Variants in CEP128 observed in about 807,000 individuals in gnomAD.
The protein encoded by CEP128 is centrosomal protein 128, also known as centrosomal protein 128kDa.
CEP128 carries 132 observed loss-of-function variants against 156.7 expected under a neutral mutation model. That is an observed-to-expected ratio of 0.84 (90% CI 0.73 to 0.97). The LOEUF (loss-of-function observed/expected upper bound fraction) is 0.97, where lower values mean the gene tolerates loss of function less well. Ranked by LOEUF, CEP128 falls within the 50% of genes least tolerant of loss-of-function variation. CEP128 has a pLI of 0.00. For synonymous variants in CEP128, 469 were observed against 448.9 expected (o/e 1.04, Z -0.57); for missense variants, 1,252 against 1,281.9 (o/e 0.98, Z 0.36).
chr14:80,638,877 T>G (rs1278081297), intron 19 of CEP128, among the ~76,000 whole-genome samples: 1 of 152,130 alleles, frequency 6.6e-6, no homozygotes, highest in Non-Finnish European at 1.5e-5. Context: ...AGTAGCCCCT[T>G]TATTAGGTTT....
intron 19 of CEP128, among the ~76,000 whole-genome samples, chr14:80,642,728 A>C (rs767064750): frequency 6.6e-6 from 1 of 152,166 alleles, no homozygotes; most frequent in Non-Finnish European, 1.5e-5. Context: ...TTTCATTAAA[A>C]GAATTAAAAA....
intron 19 of CEP128, among the ~76,000 whole-genome samples, chr14:80,737,619 T>A (rs1372838360): frequency 2.0e-5 from 3 of 152,204 alleles, no homozygotes; most frequent in African/African-American, 7.2e-5. Flanking sequence ...CACAGTTTCA[T>A]GCCTGTAATC....
intron 4 of CEP128, among the ~76,000 whole-genome samples, chr14:80,913,316 G>A (rs567245757): frequency 4.1e-4 from 62 of 152,098 alleles, no homozygotes; most frequent in Admixed American, 1.0e-3. Context: ...TATGGAATAC[G>A]GTATAACTGT....
At chr14:80,947,425 A>T (rs912812795) in intron 2 of CEP128, among the ~76,000 whole-genome samples, 21 of 152,190 alleles carry the variant, frequency 1.4e-4, no homozygotes, top group African/African-American at 5.1e-4. Flanking sequence ...TATTAAACAC[A>T]AACATTCTCA....
In CEP128 at chr14:80,532,784, T is replaced by C. The variant is rs534890004; in HGVS notation, c.2881-1898A>G. Reference sequence around the variant, plus strand: ...ATGTTCTGTGACATGGAGTTACAGATGTCTTCTAGTTTTGACACGTGTAAA... The same window carrying C: ...ATGTTCTGTGACATGGAGTTACAGACGTCTTCTAGTTTTGACACGTGTAAA... On this transcript the variant is annotated intron_variant, in intron 21 of 24. Transcript: ENST00000555265. Among the ~76,000 whole-genome samples the C allele has an allele frequency of 7.9e-5, 12 of 152,320 alleles. No homozygotes were observed. The South Asian group carries it at 2.1e-3, about 26-fold the overall frequency.
downstream of CEP128, chr14:80,496,445 T>C (rs1887497987): frequency 6.6e-6 from 1 of 152,642 alleles, no homozygotes; most frequent in Admixed American, 6.5e-5. Context: ...GAACTCTTAA[T>C]GAGCAAGTGT....
intron 9 of CEP128, among the ~76,000 whole-genome samples, chr14:80,850,066 GAGGA>G (rs1886810733): frequency 1.3e-5 from 2 of 152,104 alleles, no homozygotes; most frequent in East Asian, 1.9e-4. Context: ...GGGAGGGAAG[GAGGA>G]AGGAAGAAGG....
At chr14:80,732,244 G>A (rs1898306742) in intron 19 of CEP128, among the ~76,000 whole-genome samples, 1 of 152,148 alleles carries the variant, frequency 6.6e-6, no homozygotes, top group Admixed American at 6.5e-5. Context: ...CTACCTGAAA[G>A]TTTTAACTGC....
intron 23 of CEP128, among the ~76,000 whole-genome samples, chr14:80,510,417 T>C (rs1227363691): frequency 3.9e-5 from 6 of 152,146 alleles, no homozygotes; most frequent in Non-Finnish European, 8.8e-5. Context: ...CTTTTTCACA[T>C]CGTCCACTGT....
intron 24 of CEP128, among the ~76,000 whole-genome samples, chr14:80,501,871 A>G (rs1887752072): frequency 6.6e-6 from 1 of 151,906 alleles, no homozygotes; most frequent in Non-Finnish European, 1.5e-5. Context: ...GGTCTCAAGC[A>G]GAAGCACCTC....
chr14:80,518,126 A>T (rs1480316583), intron 23 of CEP128, among the ~76,000 whole-genome samples: 1 of 149,020 alleles, frequency 6.7e-6, no homozygotes, highest in Non-Finnish European at 1.5e-5. Flanking sequence ...TGCCATTGCC[A>T]TCTAGAATGC....
chr14:80,505,157 C>A (rs973355823), intron 23 of CEP128, 137 bp from the exon 24 acceptor site: 5 of 356,160 alleles, frequency 1.4e-5, no homozygotes, highest in African/African-American at 6.3e-5. Flanking sequence ...ATTATAATCA[C>A]TGTAAAAATA....
chr14:80,642,260 G>C (rs937197362), intron 19 of CEP128, among the ~76,000 whole-genome samples: 1 of 152,014 alleles, frequency 6.6e-6, no homozygotes, highest in African/African-American at 2.4e-5. Flanking sequence ...AAGAAAAGAG[G>C]GGATCAAGTT....
At chr14:80,488,732 T>C (rs112342506), downstream of CEP128, among the ~76,000 whole-genome samples, 50 of 152,032 alleles carry the variant, frequency 3.3e-4, no homozygotes, top group African/African-American at 1.1e-3. Context: ...TTGGAACCAA[T>C]CCAAATGTCC....
At chr14:80,675,580 T>C (rs570858127) in intron 19 of CEP128, among the ~76,000 whole-genome samples, 7 of 152,224 alleles carry the variant, frequency 4.6e-5, no homozygotes, top group African/African-American at 1.7e-4. Context: ...TGTCTTTAGC[T>C]CATTTTTGAT....
intron 1 of CEP128, among the ~76,000 whole-genome samples, chr14:80,940,163 T>C (rs1335882526): frequency 6.6e-6 from 1 of 151,808 alleles, no homozygotes; most frequent in Non-Finnish European, 1.5e-5. Flanking sequence ...CTATAAACCA[T>C]TTCAAGAAAA....
At chr14:80,580,291 G>T in intron 20 of CEP128, 83 bp downstream of exon 20, 1 of 856,456 alleles carries the variant, frequency 1.2e-6, no homozygotes. Flanking sequence ...CTATACCAGT[G>T]TGAATGTGAC....
At chr14:80,623,736 A>AT (rs1301015808) in intron 19 of CEP128, among the ~76,000 whole-genome samples, 4 of 152,174 alleles carry the variant, frequency 2.6e-5, no homozygotes, top group East Asian at 1.9e-4. Context: ...CAAAAAGTGG[A>AT]TTTTTTAATG....
Position 80,810,047 on chromosome 14 carries a change from G to A in CEP128, c.1210-16937C>T, listed in dbSNP as rs185616847. 4.7e-3 allele frequency among the ~76,000 whole-genome samples: 711 copies of A among 152,086 alleles called. 3 individuals are homozygous for A. Among genetic ancestry groups the A allele is most frequent in the Middle Eastern group, 0.017 (5 of 294 alleles). On this transcript the variant is annotated intron_variant, in intron 13 of 24. Transcript: ENST00000555265. ...AATAAAGAATATACAAAACAGGCCA[G>A]GCACAGTGGCTCATGCCTGTAATCC...
Sources: gnomAD v4.1 joint callset for allele counts (sites outside exome capture counted in the v4.1 genomes callset) on GRCh38, gnomAD v4.1.1 for gene constraint, MANE v1.5 for transcripts, NCBI Gene and HGNC (gene_info 2026-07-23, HGNC 2026-07-21) for gene names.